The following FIS1 variants were observed in gnomAD, a reference collection of about 807,000 sequenced individuals.
FIS1 encodes mitochondrial fission 1 protein.
A neutral mutation model predicts 21.6 loss-of-function variants in FIS1; 16 were observed. The observed-to-expected ratio is 0.74, with a 90% CI of 0.50 to 1.12. FIS1 has a LOEUF of 1.12. Among genes scored for constraint, FIS1 ranks in the 50% most tolerant of loss-of-function variants. FIS1 has a pLI of 0.00. For missense variants in FIS1, 198 were observed against 190.9 expected (o/e 1.04, Z -0.22); for synonymous variants, 92 against 82.2 (o/e 1.12, Z -0.65).
In FIS1 at chr7:101,244,055, G is replaced by A; in HGVS notation, c.130C>T (p.Arg44Trp). Residue 44 changes from arginine to tryptophan, a missense_variant, in exon 2 of 5, where the codon CGG (arginine) becomes TGG (tryptophan). By Grantham distance (101) the Arg-to-Trp change is moderately radical. Coordinates refer to ENST00000223136, the MANE Select transcript of FIS1 (RefSeq NM_016068.3). Reference sequence around the variant, plus strand: ...CGGATGTCATCATTGTACTTGCTCCGCACCAGGCACCAGGCGTACTCAAAC... The same window carrying A: ...CGGATGTCATCATTGTACTTGCTCCACACCAGGCACCAGGCGTACTCAAAC... ...TQFEYAWCLV[R>W]SKYNDDIRKG... 1 of 1,613,928 alleles carries A rather than the reference G, an allele frequency of 6.2e-7. No homozygotes were observed.
intron 4 of FIS1, 59 bp downstream of exon 4, chr7:101,240,083 G>A (rs998017937): frequency 1.3e-5 from 20 of 1,577,906 alleles, no homozygotes; most frequent in Non-Finnish European, 1.6e-5. Flanking sequence ...TTTACAGAGA[G>A]ACCAAAGTGC....
intron 3 of FIS1, 41 bp downstream of exon 3, chr7:101,240,789 A>C (rs1376022123): frequency 1.3e-6 from 2 of 1,595,878 alleles, no homozygotes; most frequent in East Asian, 2.2e-5. Context: ...AAGGTCCTGC[A>C]GCCCCAGAGG....
In FIS1 at chr7:101,244,187, C is replaced by G; in HGVS notation, c.46-48G>C. On this transcript the variant is annotated intron_variant, in intron 1 of 4. Coordinates refer to ENST00000223136, the MANE Select transcript of FIS1 (RefSeq NM_016068.3). ...TCATTTAGAAATGTAGGGCGTCAACCATTCTCTATCTGGACATGCCATCTC... is the reference window on the plus strand; with the variant it reads ...TCATTTAGAAATGTAGGGCGTCAACGATTCTCTATCTGGACATGCCATCTC... The G allele has an allele frequency of 3.8e-6, 6 of 1,589,916 alleles. 1 individual carries two copies. The South Asian group carries it at 5.6e-5, about 15-fold the overall frequency.
chr7:101,242,362 T>G (rs1798761595), intron 2 of FIS1, among the ~76,000 whole-genome samples: 1 of 152,196 alleles, frequency 6.6e-6, no homozygotes, highest in South Asian at 2.1e-4. Context: ...TGGCAACACT[T>G]AGAGAGGCTG....
intron 1 of FIS1, chr7:101,244,458 A>G (rs932423856): frequency 8.2e-6 from 3 of 367,780 alleles, no homozygotes; most frequent in South Asian, 3.4e-5. Context: ...AGAACTGCTC[A>G]ACAGCCCACG....
At chr7:101,241,888 G>A (rs1798755580) in intron 2 of FIS1, 1 of 151,754 alleles carries the variant, frequency 6.6e-6, no homozygotes, top group African/African-American at 2.4e-5. Context: ...GAATGCGGTA[G>A]GCAGAGGTTG....
chr7:101,242,487 G>GTTTTT (rs67075921), intron 2 of FIS1, among the ~76,000 whole-genome samples: 2 of 131,918 alleles, frequency 1.5e-5, no homozygotes, highest in African/African-American at 2.9e-5. Context: ...TATTTTTATA[G>GTTTTT]TTTTTTTTTT....
At chr7:101,244,745 G>A (rs1372279266) in intron 1 of FIS1, 2 of 592,542 alleles carry the variant, frequency 3.4e-6, no homozygotes, top group Non-Finnish European at 3.0e-6. Flanking sequence ...CCCGTAGTCT[G>A]AGGTGTGGGG....
intron 2 of FIS1, among the ~76,000 whole-genome samples, chr7:101,241,339 G>T (rs1798744931): frequency 1.3e-5 from 2 of 152,060 alleles, no homozygotes; most frequent in Admixed American, 1.3e-4. Context: ...TCCTGCCTCG[G>T]TTTCCCGAGC....
Position 101,239,596 on chromosome 7 carries a change from A to G in FIS1, c.*210T>C. 2 of 621,356 alleles carry G rather than the reference A, an allele frequency of 3.2e-6. No homozygotes were observed. Among genetic ancestry groups the G allele is most frequent in the Non-Finnish European group, 5.9e-6 (2 of 337,346 alleles). The allele number at this position is 621,356 out of a possible 1,614,324, so 38.5% of individuals were successfully genotyped here. ...GCGTTCAGAACCCACCCCTCCCCTC[A>G]ACGCAGACACGGGGGTTCCCAAGCC... On this transcript the variant is annotated 3_prime_UTR_variant, in exon 5 of 5. Coordinates refer to ENST00000223136, the MANE Select transcript of FIS1 (RefSeq NM_016068.3).
At chr7:101,244,616 A>G (rs1798789863) in intron 1 of FIS1, 2 of 430,496 alleles carry the variant, frequency 4.6e-6, no homozygotes, top group Middle Eastern at 6.5e-4. Flanking sequence ...TGCCGGACGC[A>G]GTAATAGGTG....
chr7:101,245,042 G>C lies in FIS1; in HGVS notation c.-38C>G. 5 of 1,611,024 alleles carry C rather than the reference G, an allele frequency of 3.1e-6. No homozygotes were observed. The highest frequency in any genetic ancestry group is 1.3e-5 in the African/African-American group (1 of 74,988). ...CGCGAGCCTCACACTACAGTCTACT[G>C]TGCCACAGTCTCCATGGCCCAGTGG... On this transcript the variant is annotated 5_prime_UTR_variant, in exon 1 of 5. Coordinates refer to ENST00000223136, the MANE Select transcript of FIS1 (RefSeq NM_016068.3).
intron 2 of FIS1, among the ~76,000 whole-genome samples, chr7:101,243,804 C>G (rs1798777967): frequency 6.6e-6 from 1 of 152,120 alleles, no homozygotes; most frequent in Non-Finnish European, 1.5e-5. Flanking sequence ...CAAGACAGTC[C>G]TGGGGGAACT....
intron 2 of FIS1, among the ~76,000 whole-genome samples, 177 bp downstream of exon 2, chr7:101,243,826 CTCTG>C (rs1798778556): frequency 1.3e-5 from 2 of 152,194 alleles, no homozygotes; most frequent in African/African-American, 4.8e-5. Flanking sequence ...ACATGCTACA[CTCTG>C]TCTGGCAAAA....
Position 101,244,625 on chromosome 7 carries a change from T to C in FIS1, c.45+335A>G, listed in dbSNP as rs373666491. 28 of 450,728 alleles carry C rather than the reference T, an allele frequency of 6.2e-5. No homozygotes were observed. In the East Asian group the frequency reaches 8.4e-4, roughly 14 times the overall value. 27.9% of individuals were successfully genotyped at this position (450,728 alleles called of 1,614,324 possible). A position where few individuals can be genotyped will look rare whatever the true frequency, so the allele number is the denominator to read the frequency against. On this transcript the variant is annotated intron_variant, in intron 1 of 4. Coordinates refer to ENST00000223136, the MANE Select transcript of FIS1 (RefSeq NM_016068.3). ...GCACCGTGCCGGACGCAGTAATAGGTGACACCTTATGATGGTCACTGTATT... is the reference window on the plus strand; with the variant it reads ...GCACCGTGCCGGACGCAGTAATAGGCGACACCTTATGATGGTCACTGTATT...
intron 3 of FIS1, 26 bp from the exon 4 acceptor site, chr7:101,240,273 T>TA: frequency 6.2e-7 from 1 of 1,604,342 alleles, no homozygotes; most frequent in Non-Finnish European, 8.5e-7. Flanking sequence ...CGCGCACGCG[T>TA]CATACACACC....
At chr7:101,242,324 CCT>C (rs1171640878) in intron 2 of FIS1, among the ~76,000 whole-genome samples, 6 of 152,116 alleles carry the variant, frequency 3.9e-5, no homozygotes, top group Admixed American at 6.6e-5. Context: ...TATAAATCTT[CCT>C]GTCTGTACTG....
chr7:101,240,879 T>A lies in FIS1; in HGVS notation c.206A>T (p.Glu69Val). 1 of 1,614,118 alleles carries A rather than the reference T, an allele frequency of 6.2e-7. No homozygotes were observed. Among genetic ancestry groups the A allele is most frequent in the Non-Finnish European group, 8.5e-7 (1 of 1,180,034 alleles). ...EELLPKGSKE[E>V]QRDYVFYLAV... ...CAGGTAGAAGACGTAATCCCGCTGT[T>A]CCTCCTTGCTCCCTTTGGGCAGCAG... Residue 69 changes from glutamate to valine, a missense_variant, in exon 3 of 5, where the codon GAA becomes GTA. Coordinates refer to ENST00000223136, the MANE Select transcript of FIS1 (RefSeq NM_016068.3).
intron 4 of FIS1, 74 bp from the exon 5 acceptor site, chr7:101,239,977 G>T: frequency 6.8e-7 from 1 of 1,465,026 alleles, no homozygotes. Flanking sequence ...CGCCAGCCCT[G>T]CCCCTCAACA....
Sources: allele counts gnomAD v4.1 joint callset (sites outside exome capture counted in the v4.1 genomes callset), GRCh38; gene constraint gnomAD v4.1.1; transcripts MANE v1.5; gene names NCBI Gene and HGNC (gene_info 2026-07-23, HGNC 2026-07-21).